STXBP5L: variants seen among roughly 807,000 people sequenced by gnomAD.
STXBP5L encodes the protein syntaxin-binding protein 5-like.
Under a neutral mutation model 144.5 loss-of-function variants are expected in STXBP5L, and 65 were observed. The ratio of observed to expected loss-of-function variants is 0.45; its 90% confidence interval spans 0.37 to 0.55. STXBP5L has a LOEUF of 0.55. Ranked by LOEUF, STXBP5L falls within the 20% of genes least tolerant of loss-of-function variation. The pLI is 0.00. For missense variants in STXBP5L, 1,298 were observed against 1,405.5 expected, an observed-to-expected ratio of 0.92 and a Z score of 1.22; for synonymous variants, 505 against 469.6, an observed-to-expected ratio of 1.08 and a Z score of -0.97.
At chr3:121,059,642 T>G (rs1040862485) in intron 5 of STXBP5L, among the ~76,000 whole-genome samples, 2 of 152,186 alleles carry the variant, frequency 1.3e-5, no homozygotes, top group African/African-American at 4.8e-5. Flanking sequence ...GTGTCCTCTC[T>G]TATTTCCTTG....
chr3:121,290,540 C>A (rs977378931), intron 19 of STXBP5L, among the ~76,000 whole-genome samples: 2 of 152,032 alleles, frequency 1.3e-5, no homozygotes, highest in Non-Finnish European at 2.9e-5. Context: ...AGGGAATCCT[C>A]CCCCCAAATC....
At chr3:121,249,205 A>C (rs959883640) in intron 14 of STXBP5L, among the ~76,000 whole-genome samples, 1 of 152,102 alleles carries the variant, frequency 6.6e-6, no homozygotes, top group Non-Finnish European at 1.5e-5. Flanking sequence ...AATAGTGATG[A>C]ATCTGCACAT....
chr3:121,287,836 A>G (rs533566740), intron 19 of STXBP5L, among the ~76,000 whole-genome samples: 17 of 152,306 alleles, frequency 1.1e-4, no homozygotes, highest in African/African-American at 4.1e-4. Flanking sequence ...CTCAAAAAAA[A>G]AGAAAGACCC....
intron 10 of STXBP5L, among the ~76,000 whole-genome samples, chr3:121,206,931 A>G (rs2048357699): frequency 6.6e-6 from 1 of 152,168 alleles, no homozygotes; most frequent in Admixed American, 6.5e-5. Flanking sequence ...CTAAACATTA[A>G]ATTTATTTTA....
chr3:121,207,650 A>G (rs1395412987), intron 10 of STXBP5L, among the ~76,000 whole-genome samples: 4 of 152,116 alleles, frequency 2.6e-5, no homozygotes, highest in African/African-American at 7.2e-5. Context: ...AAATCAAACA[A>G]CCCCATCAAA....
At chr3:121,188,761 C>T (rs2047506905) in intron 9 of STXBP5L, among the ~76,000 whole-genome samples, 1 of 152,202 alleles carries the variant, frequency 6.6e-6, no homozygotes, top group African/African-American at 2.4e-5. Flanking sequence ...TTCAACAACC[C>T]TTCATGCTGA....
chr3:121,341,463 C>T (rs1202558279), intron 20 of STXBP5L, among the ~76,000 whole-genome samples: 1 of 152,018 alleles, frequency 6.6e-6, no homozygotes, highest in Non-Finnish European at 1.5e-5. Flanking sequence ...TTTAGAAGTT[C>T]CTCAAAATAC....
chr3:121,108,477 G>T (rs948703268), intron 5 of STXBP5L, among the ~76,000 whole-genome samples: 1 of 151,996 alleles, frequency 6.6e-6, no homozygotes, highest in Non-Finnish European at 1.5e-5. Context: ...TAATCCTGTG[G>T]TTTTTTGTCT....
intron 23 of STXBP5L, among the ~76,000 whole-genome samples, chr3:121,412,774 T>C (rs1054948950): frequency 2.5e-5 from 3 of 119,460 alleles, no homozygotes; most frequent in Non-Finnish European, 5.1e-5. Flanking sequence ...AAAAAGAAAG[T>C]CTAGTTTATT....
At chr3:121,120,490 C>T (rs1448878368) in intron 6 of STXBP5L, among the ~76,000 whole-genome samples, 1 of 151,186 alleles carries the variant, frequency 6.6e-6, no homozygotes, top group Non-Finnish European at 1.5e-5. Context: ...TGAATGCACA[C>T]TATGTTTTGC....
At chr3:121,348,621 A>G (rs1173242418) in intron 20 of STXBP5L, among the ~76,000 whole-genome samples, 2 of 152,044 alleles carry the variant, frequency 1.3e-5, no homozygotes, top group South Asian at 2.1e-4. Flanking sequence ...ATTAATTATT[A>G]CCTCAATTTC....
intron 10 of STXBP5L, among the ~76,000 whole-genome samples, chr3:121,216,852 T>C (rs781094292): frequency 3.9e-5 from 6 of 152,198 alleles, no homozygotes; most frequent in Admixed American, 2.0e-4. Context: ...TGACTGGGGC[T>C]GCTGCCTGTC....
chr3:121,016,124 A>T (rs1231400334), intron 3 of STXBP5L, among the ~76,000 whole-genome samples: 1 of 152,208 alleles, frequency 6.6e-6, no homozygotes, highest in African/African-American at 2.4e-5. Context: ...ACACAGATTA[A>T]CGTAAATACT....
At chr3:121,299,862 T>C (rs867291960) in intron 19 of STXBP5L, among the ~76,000 whole-genome samples, 10 of 151,178 alleles carry the variant, frequency 6.6e-5, no homozygotes, top group African/African-American at 2.2e-4. Context: ...GCAGCTGTGG[T>C]CCCAGCTACT....
intron 24 of STXBP5L, among the ~76,000 whole-genome samples, chr3:121,414,716 A>G (rs1282880870): frequency 6.6e-6 from 1 of 152,222 alleles, no homozygotes; most frequent in East Asian, 1.9e-4. Flanking sequence ...TGTGCTGGAG[A>G]ATTAGTCGAG....
chr3:121,293,842 C>G (rs764733521), intron 19 of STXBP5L, among the ~76,000 whole-genome samples: 2 of 152,116 alleles, frequency 1.3e-5, no homozygotes, highest in Non-Finnish European at 2.9e-5. Context: ...GCTTGGGCAA[C>G]AAGAGCAAAA....
At position 121,180,738 on chromosome 3, in the gene STXBP5L, G is replaced by T. The variant is rs535081533; in HGVS notation, c.877+23111G>T. ...GAAAATGCAAAATTAGCTAGGCATG[G>T]TAGCTCATGCCTGTAATCTCAGCTA... On this transcript the variant is annotated intron_variant, in intron 9 of 26. Transcript: ENST00000471454. Among the ~76,000 whole-genome samples, 8 of 152,288 alleles carry T rather than the reference G, an allele frequency of 5.3e-5. No homozygotes were observed. The South Asian group carries it at 1.2e-3, about 24-fold the overall frequency.
chr3:121,394,424 T>C (rs1178335464), intron 22 of STXBP5L, among the ~76,000 whole-genome samples: 2 of 151,736 alleles, frequency 1.3e-5, no homozygotes, highest in East Asian at 3.9e-4. Context: ...TTCTCTTGCC[T>C]GATTGCTCTG....
intron 3 of STXBP5L, among the ~76,000 whole-genome samples, chr3:121,025,484 G>A (rs1945862622): frequency 6.6e-6 from 1 of 152,002 alleles, no homozygotes; most frequent in Admixed American, 6.6e-5. Context: ...TTCTCATATA[G>A]CAATTATCAG....
Sources: allele counts gnomAD v4.1 joint callset (sites outside exome capture counted in the v4.1 genomes callset), GRCh38; gene constraint gnomAD v4.1.1; transcripts MANE v1.5; gene names NCBI Gene and HGNC (gene_info 2026-07-23, HGNC 2026-07-21).